Variants in SHTN1 observed in about 807,000 individuals in gnomAD.
The protein encoded by SHTN1 is shootin 1, also known as shootin-1.
Under a neutral mutation model 83.1 loss-of-function variants are expected in SHTN1, and 42 were observed. That is an observed-to-expected ratio of 0.51 (90% CI 0.39 to 0.65). SHTN1 has a LOEUF of 0.65. Among genes scored for constraint, SHTN1 ranks in the 30% least tolerant of loss-of-function variants. The probability of loss-of-function intolerance (pLI) is 0.00; values close to 1 mark genes in which losing one functional copy is unlikely to be tolerated. For missense variants in SHTN1, 622 were observed against 737.8 expected, an observed-to-expected ratio of 0.84 and a Z score of 1.82; for synonymous variants, 224 against 247.7, an observed-to-expected ratio of 0.90 and a Z score of 0.90.
rs575114631 is a variant in SHTN1, at chr10:117,079,231, C to T, written c.-188-30721G>A. Among the ~76,000 whole-genome samples the T allele has an allele frequency of 3.8e-4, 53 of 138,172 alleles. 1 individual carries two copies. The East Asian group carries it at 9.7e-3, about 25-fold the overall frequency. 90.6% of individuals were successfully genotyped at this position (138,172 alleles called of 152,430 possible). A position where few individuals can be genotyped will look rare whatever the true frequency, so the allele number is the denominator to read the frequency against. The stretch of plus-strand genomic sequence containing the variant: ...TCCCCAGAGTGTGATGTTCCCCTTC[C>T]TGTGTCCATGTGATCTCATTGTTCA... On this transcript the variant is annotated intron_variant, in intron 1 of 17. Coordinates refer to the SHTN1 transcript ENST00000392901.
intron 2 of SHTN1, among the ~76,000 whole-genome samples, chr10:117,016,475 C>T (rs1431196743): frequency 6.6e-6 from 1 of 152,200 alleles, no homozygotes; most frequent in Non-Finnish European, 1.5e-5. Flanking sequence ...GGTGCAATCT[C>T]GGCTGTCTGC....
intron 1 of SHTN1, among the ~76,000 whole-genome samples, chr10:117,067,647 A>C (rs142410556): frequency 1.4e-4 from 21 of 152,260 alleles, no homozygotes; most frequent in African/African-American, 4.8e-4. Flanking sequence ...TCAATCAATC[A>C]ATCCCTGGCT....
chr10:116,944,755 G>T (rs1157914365), intron 8 of SHTN1, among the ~76,000 whole-genome samples, 169 bp downstream of exon 8: 1 of 152,128 alleles, frequency 6.6e-6, no homozygotes, highest in Non-Finnish European at 1.5e-5. Context: ...GCTGGGCACG[G>T]TGGCGTGTGC....
intron 2 of SHTN1, among the ~76,000 whole-genome samples, chr10:117,014,671 T>G (rs908060130): frequency 2.0e-5 from 3 of 152,184 alleles, no homozygotes; most frequent in African/African-American, 4.8e-5. Context: ...ACACAACTTA[T>G]GTGTTCTTAA....
At chr10:116,934,737 T>G (rs749334905) in intron 9 of SHTN1, among the ~76,000 whole-genome samples, 1 of 152,228 alleles carries the variant, frequency 6.6e-6, no homozygotes, top group Non-Finnish European at 1.5e-5. Flanking sequence ...GGGATAGCAT[T>G]GAATCCATAA....
chr10:117,027,750 A>G (rs1049912311), intron 2 of SHTN1, among the ~76,000 whole-genome samples: 1 of 152,216 alleles, frequency 6.6e-6, no homozygotes, highest in African/African-American at 2.4e-5. Context: ...CGCCTGTCTC[A>G]GCCTTCCAAA....
intron 1 of SHTN1, among the ~76,000 whole-genome samples, chr10:117,120,248 ATTTT>A (rs60258460): frequency 1.4e-5 from 2 of 140,000 alleles, no homozygotes; most frequent in East Asian, 2.1e-4. Flanking sequence ...CCATGATGTG[ATTTT>A]TTTTTTTTTT....
intron 16 of SHTN1, among the ~76,000 whole-genome samples, chr10:116,892,973 T>C (rs138272735): frequency 2.8e-4 from 42 of 152,346 alleles, no homozygotes; most frequent in African/African-American, 9.1e-4. Context: ...TTAAAAATCA[T>C]AGGTGCTTGC....
At chr10:117,027,777 C>A (rs1008653589) in intron 2 of SHTN1, among the ~76,000 whole-genome samples, 14 of 152,172 alleles carry the variant, frequency 9.2e-5, no homozygotes, top group African/African-American at 3.1e-4. Flanking sequence ...GCATTACAGG[C>A]GTGAGCCACC....
chr10:116,943,981 C>T (rs1849480330), intron 8 of SHTN1, among the ~76,000 whole-genome samples: 1 of 152,134 alleles, frequency 6.6e-6, no homozygotes, highest in Non-Finnish European at 1.5e-5. Flanking sequence ...TAAGCCGGAA[C>T]AAGAGATTCA....
At chr10:117,120,897 C>T (rs1853914429) in intron 1 of SHTN1, among the ~76,000 whole-genome samples, 1 of 151,726 alleles carries the variant, frequency 6.6e-6, no homozygotes, top group Admixed American at 6.6e-5. Context: ...GAAACCTCCA[C>T]CTCCCAGGTT....
intron 1 of SHTN1, among the ~76,000 whole-genome samples, chr10:117,078,420 CT>C (rs1228463743): frequency 6.6e-6 from 1 of 152,070 alleles, no homozygotes; most frequent in Non-Finnish European, 1.5e-5. Flanking sequence ...GACTAACAGC[CT>C]TTGACATTTA....
chr10:117,044,462 G>A (rs1852631959), intron 2 of SHTN1, among the ~76,000 whole-genome samples: 1 of 152,152 alleles, frequency 6.6e-6, no homozygotes, highest in African/African-American at 2.4e-5. Context: ...TAACAATGAT[G>A]TAATTTGTGT....
intron 2 of SHTN1, among the ~76,000 whole-genome samples, chr10:116,975,699 C>CAA (rs200220372): frequency 8.6e-5 from 13 of 150,408 alleles, no homozygotes; most frequent in Non-Finnish European, 1.8e-4. Flanking sequence ...GGAAGAACTG[C>CAA]AAAAAAAAGA....
chr10:117,115,193 G>A (rs1735169707), intron 1 of SHTN1, among the ~76,000 whole-genome samples: 1 of 152,182 alleles, frequency 6.6e-6, no homozygotes, highest in Admixed American at 6.5e-5. Flanking sequence ...TCTCTATCCA[G>A]TATGGGCTCT....
chr10:117,021,016 T>G (rs944277301), intron 2 of SHTN1, among the ~76,000 whole-genome samples: 2 of 151,794 alleles, frequency 1.3e-5, no homozygotes, highest in African/African-American at 4.8e-5. Context: ...AAGGAAGATA[T>G]ATAAATGGCC....
At chr10:117,072,549 A>G (rs1042683307) in intron 1 of SHTN1, among the ~76,000 whole-genome samples, 3 of 152,200 alleles carry the variant, frequency 2.0e-5, no homozygotes, top group Non-Finnish European at 4.4e-5. Context: ...CTCTGTGCAG[A>G]CAACCCCCAG....
intron 1 of SHTN1, among the ~76,000 whole-genome samples, chr10:117,065,353 T>C (rs1852961211): frequency 6.6e-6 from 1 of 152,102 alleles, no homozygotes; most frequent in African/African-American, 2.4e-5. Context: ...AGTGTGTTAA[T>C]GGAGAGCATC....
At chr10:117,012,769 A>C (rs1051467090) in intron 2 of SHTN1, among the ~76,000 whole-genome samples, 1 of 152,226 alleles carries the variant, frequency 6.6e-6, no homozygotes, top group Non-Finnish European at 1.5e-5. Context: ...AAGATAAAAG[A>C]AACAGATTAA....
Sources: gnomAD v4.1 joint callset for allele counts (sites outside exome capture counted in the v4.1 genomes callset) on GRCh38, gnomAD v4.1.1 for gene constraint, MANE v1.5 for transcripts, NCBI Gene and HGNC (gene_info 2026-07-23, HGNC 2026-07-21) for gene names.